ESR1: variants seen among roughly 807,000 people sequenced by gnomAD.
ESR1 encodes estrogen receptor.
Under a neutral mutation model 52.7 loss-of-function variants are expected in ESR1, and 12 were observed. The ratio of observed to expected loss-of-function variants is 0.23; its 90% CI spans 0.15 to 0.37. The LOEUF (loss-of-function observed/expected upper bound fraction) is 0.37. ESR1 is among the 10% of genes least tolerant of loss of function. The pLI is 1.00. For synonymous variants in ESR1, 305 were observed against 316.8 expected, an observed-to-expected ratio of 0.96 and a Z score of 0.39; for missense variants, 584 against 779.7, an observed-to-expected ratio of 0.75 and a Z score of 2.99.
intron 2 of ESR1, among the ~76,000 whole-genome samples, chr6:151,796,893 C>G (rs75984833): frequency 6.6e-6 from 1 of 152,168 alleles, no homozygotes; most frequent in African/African-American, 2.4e-5. Flanking sequence ...AACCTAGCTC[C>G]GAAAGAGGCC....
At chr6:151,690,225 T>C (rs1778849962), upstream of ESR1, among the ~76,000 whole-genome samples, 1 of 152,202 alleles carries the variant, frequency 6.6e-6, no homozygotes, top group African/African-American at 2.4e-5. Context: ...TATTTTTTTT[T>C]CCAACTCCAC....
chr6:152,042,966 G>A (rs1160793881), intron 5 of ESR1, among the ~76,000 whole-genome samples: 17 of 152,120 alleles, frequency 1.1e-4, no homozygotes, highest in Non-Finnish European at 2.9e-5. Flanking sequence ...GAATGACTGT[G>A]GTTCCCACTA....
At chr6:151,748,272 T>C (rs1783632190) in intron 2 of ESR1, among the ~76,000 whole-genome samples, 1 of 152,202 alleles carries the variant, frequency 6.6e-6, no homozygotes, top group Non-Finnish European at 1.5e-5. Context: ...CAGTTTTTTT[T>C]CTAGAGTCCT....
chr6:151,786,786 A>G (rs898297985), intron 2 of ESR1, among the ~76,000 whole-genome samples: 1 of 152,032 alleles, frequency 6.6e-6, no homozygotes, highest in Non-Finnish European at 1.5e-5. Flanking sequence ...TAGTTATTGA[A>G]TAAGGAGTCT....
rs560405564 is a variant in ESR1, at chr6:152,102,002, G to A, written c.*3036G>A. ...TCTTTTCGCCATTGCCTAGCTTGCC[G>A]TAATGATTCTATAATGCCATCATGC... is the stretch of plus-strand genomic sequence containing the variant. On this transcript the variant is annotated 3_prime_UTR_variant, in exon 8 of 8. Transcript: ENST00000206249. 4.2e-5 allele frequency: 9 copies of A among 214,656 alleles called. No homozygotes were observed. The East Asian group carries it at 5.6e-4, about 13-fold the overall frequency. 13.3% of individuals were successfully genotyped at this position (214,656 alleles called of 1,614,324 possible). A position where few individuals can be genotyped will look rare whatever the true frequency, so the allele number is the denominator to read the frequency against.
chr6:151,768,855 T>C (rs1361936642), intron 2 of ESR1, among the ~76,000 whole-genome samples: 9 of 152,150 alleles, frequency 5.9e-5, no homozygotes, highest in Admixed American at 4.6e-4. Flanking sequence ...CTAAGGAAAA[T>C]GGTCCATCCT....
At chr6:151,875,715 T>G (rs145298337) in intron 2 of ESR1, among the ~76,000 whole-genome samples, 2,425 of 152,126 alleles carry the variant, frequency 0.016, 29 homozygotes, top group Non-Finnish European at 0.025. Context: ...GGAGAAAAAG[T>G]GTGTTTCCAT....
At chr6:151,703,679 C>T (rs1562341161) in intron 2 of ESR1, among the ~76,000 whole-genome samples, 2 of 152,160 alleles carry the variant, frequency 1.3e-5, no homozygotes, top group East Asian at 1.9e-4. Context: ...AACGAGTCTT[C>T]CATCTGGCTG....
intron 2 of ESR1, among the ~76,000 whole-genome samples, chr6:151,843,847 G>C (rs1416866425): frequency 6.6e-6 from 1 of 151,238 alleles, no homozygotes; most frequent in Non-Finnish European, 1.5e-5. Flanking sequence ...TTCCTGCCCT[G>C]ATATGAGATG....
At chr6:152,067,781 C>T (rs1037519226) in intron 6 of ESR1, among the ~76,000 whole-genome samples, 14 of 152,076 alleles carry the variant, frequency 9.2e-5, no homozygotes, top group African/African-American at 3.1e-4. Context: ...GAGCCAAGAT[C>T]GTGCCATTGC....
Position 151,913,963 on chromosome 6 carries a change from A to G in ESR1, c.761-30210A>G, listed in dbSNP as rs1798662058. 2.0e-5 allele frequency among the ~76,000 whole-genome samples: 3 copies of G among 152,146 alleles called. No individual in the cohort carries two copies. In the East Asian group the frequency reaches 5.8e-4, roughly 29 times the overall value. On this transcript the variant is annotated intron_variant, in intron 3 of 7. Transcript: ENST00000206249. ...TTCAGTCCATTTCATCAGAACTTAG[A>G]TTTTTTCTTCCCTCTACAGTATGTG...
intron 4 of ESR1, among the ~76,000 whole-genome samples, chr6:151,981,249 A>G (rs2039967014): frequency 6.6e-6 from 1 of 152,060 alleles, no homozygotes; most frequent in Non-Finnish European, 1.5e-5. Flanking sequence ...ATTTCCCCCT[A>G]TATTGCCATT....
At chr6:152,093,795 G>A (rs1447506888) in intron 6 of ESR1, among the ~76,000 whole-genome samples, 1 of 152,108 alleles carries the variant, frequency 6.6e-6, no homozygotes, top group Admixed American at 6.5e-5. Context: ...ATCCTACCTG[G>A]AAAAATCACC....
intron 2 of ESR1, among the ~76,000 whole-genome samples, chr6:151,786,881 C>T (rs1787080882): frequency 6.6e-6 from 1 of 152,186 alleles, no homozygotes; most frequent in Non-Finnish European, 1.5e-5. Context: ...ACGATTTTGG[C>T]TCACTGCAAC....
In ESR1 at chr6:152,066,594, T is replaced by C. The variant is rs74321078; in HGVS notation, c.1369+5470T>C. On this transcript the variant is annotated intron_variant, in intron 6 of 7. Transcript: ENST00000206249. ...AGGGAGCTGGCTTATTGTCATTATT[T>C]TGAGATAAATGGCACTTCATAGTAT... Among the ~76,000 whole-genome samples the C allele has an allele frequency of 1.7e-4, 26 of 152,344 alleles. No individual in the cohort carries two copies. In the East Asian group the frequency reaches 4.2e-3, roughly 25 times the overall value.
intron 2 of ESR1, among the ~76,000 whole-genome samples, chr6:151,747,732 A>G (rs576651408): frequency 3.9e-5 from 6 of 152,314 alleles, no homozygotes; most frequent in African/African-American, 1.4e-4. Flanking sequence ...AGAACAATAC[A>G]ATATGCGGTC....
At chr6:152,072,147 T>C (rs974890904) in intron 6 of ESR1, among the ~76,000 whole-genome samples, 1 of 152,254 alleles carries the variant, frequency 6.6e-6, no homozygotes, top group African/African-American at 2.4e-5. Context: ...ATAGATCCTA[T>C]TATAAACATC....
chr6:151,707,485 T>C (rs1048607775), intron 2 of ESR1, among the ~76,000 whole-genome samples: 11 of 152,012 alleles, frequency 7.2e-5, no homozygotes, highest in African/African-American at 2.7e-4. Flanking sequence ...ACACATTATA[T>C]GTATATATAA....
chr6:151,723,866 T>C (rs908692050), intron 2 of ESR1, among the ~76,000 whole-genome samples: 1 of 152,104 alleles, frequency 6.6e-6, no homozygotes, highest in African/African-American at 2.4e-5. Context: ...CAAGACTCCA[T>C]CGTGGGAAAA....
Sources: allele counts gnomAD v4.1 joint callset (sites outside exome capture counted in the v4.1 genomes callset), GRCh38; gene constraint gnomAD v4.1.1; transcripts MANE v1.5; gene names NCBI Gene and HGNC (gene_info 2026-07-23, HGNC 2026-07-21).